The following SLIT3 variants were observed in gnomAD, a reference collection of about 807,000 sequenced individuals.
SLIT3 encodes slit homolog 3 protein.
A neutral mutation model predicts 184.0 loss-of-function variants in SLIT3; 68 were observed. The ratio of observed to expected loss-of-function variants is 0.37; its 90% confidence interval spans 0.30 to 0.45. The LOEUF (loss-of-function observed/expected upper bound fraction) is 0.45, where lower values mean the gene tolerates loss of function less well. SLIT3 is among the 20% of genes least tolerant of loss of function. The pLI is 1.00. For missense variants in SLIT3, 1,707 were observed against 2,026.0 expected (o/e 0.84, Z 3.02); for synonymous variants, 831 against 828.6 (o/e 1.00, Z -0.05).
chr5:169,072,277 A>G (rs1758580117), intron 4 of SLIT3, among the ~76,000 whole-genome samples: 1 of 152,222 alleles, frequency 6.6e-6, no homozygotes, highest in Non-Finnish European at 1.5e-5. Context: ...ACTGGGAGAC[A>G]GGAGACTTGA....
At chr5:168,740,828 C>T (rs1011096489) in intron 20 of SLIT3, among the ~76,000 whole-genome samples, 3 of 152,146 alleles carry the variant, frequency 2.0e-5, no homozygotes, top group Non-Finnish European at 2.9e-5. Context: ...TTTCAGTTTT[C>T]GTTCCATGAG....
intron 9 of SLIT3, among the ~76,000 whole-genome samples, chr5:168,798,223 C>CTTTTTTTTTTTT (rs747746239): frequency 9.2e-6 from 1 of 109,028 alleles, no homozygotes; most frequent in African/African-American, 4.5e-5. Flanking sequence ...TCTTCTTCTT[C>CTTTTTTTTTTTT]TTTTTTTTTT....
rs773166177 is a variant in SLIT3 at position 168,752,943 on chromosome 5, A to G, written c.1973+12T>C. On this transcript the variant is annotated intron_variant, in intron 18 of 35. Coordinates refer to ENST00000519560, the MANE Select transcript of SLIT3 (RefSeq NM_003062.4). ...CCCAGAGTCCGTGGGCAGTGGACCC[A>G]GGAGAACTTACATGGTGGACAGGGA... 1.9e-6 allele frequency: 3 copies of G among 1,613,574 alleles called. No individual in the cohort carries two copies. In the South Asian group the frequency reaches 3.3e-5, roughly 18 times the overall value.
intron 4 of SLIT3, among the ~76,000 whole-genome samples, chr5:169,074,608 A>G (rs909706765): frequency 1.3e-5 from 2 of 152,200 alleles, no homozygotes; most frequent in Non-Finnish European, 1.5e-5. Context: ...TGAAGGTCTC[A>G]AGTTTCACCT....
Position 168,661,810 on chromosome 5 carries a change from A to AT in SLIT3, c.*4643_*4644insA, listed in dbSNP as rs1460429022. 1 of 152,208 alleles carries AT rather than the reference A, an allele frequency of 6.6e-6. No homozygotes were observed. The highest frequency in any genetic ancestry group is 1.5e-5 in the Non-Finnish European group (1 of 68,048). 9.4% of individuals were successfully genotyped at this position (152,208 alleles called of 1,614,324 possible). Reference sequence around the variant, plus strand: ...CATCCATTTATTTTAATGACATCTGAATATGACAGTATATTGAAAAAAGAA... The same window carrying AT: ...CATCCATTTATTTTAATGACATCTGATATATGACAGTATATTGAAAAAAGAA... On this transcript the variant is annotated 3_prime_UTR_variant, in exon 36 of 36. Transcript: ENST00000519560.
At chr5:169,133,079 G>T (rs1327880875) in intron 4 of SLIT3, among the ~76,000 whole-genome samples, 1 of 152,214 alleles carries the variant, frequency 6.6e-6, no homozygotes, top group Non-Finnish European at 1.5e-5. Flanking sequence ...CATTAGCTGT[G>T]ATGATGGCTA....
chr5:169,061,150 C>T (rs1257314097), intron 4 of SLIT3, among the ~76,000 whole-genome samples: 6 of 152,238 alleles, frequency 3.9e-5, no homozygotes, highest in African/African-American at 9.7e-5. Flanking sequence ...AGAAGCAATA[C>T]TTACATTTTC....
chr5:168,950,993 G>T (rs1431199847), intron 4 of SLIT3, among the ~76,000 whole-genome samples: 1 of 152,200 alleles, frequency 6.6e-6, no homozygotes, highest in Non-Finnish European at 1.5e-5. Context: ...GGCCAAGGCT[G>T]GTGGATTACT....
rs1760960605 is a variant in SLIT3 at position 168,664,182 on chromosome 5, G to A, written c.*2272C>T. 3 of 152,180 alleles carry A rather than the reference G, an allele frequency of 2.0e-5. No homozygotes were observed. The highest frequency in any genetic ancestry group is 7.2e-5 in the African/African-American group (3 of 41,444). 9.4% of individuals were successfully genotyped at this position (152,180 alleles called of 1,614,324 possible). ...TTTCACAATTAGAGTGGTATCTGAT[G>A]TATAATAAAGTACTAAATAAATCTG... On this transcript the variant is annotated 3_prime_UTR_variant, in exon 36 of 36. Coordinates refer to ENST00000519560, the MANE Select transcript of SLIT3 (RefSeq NM_003062.4).
chr5:168,722,977 C>T lies in SLIT3; in HGVS notation c.2367G>A (p.Met789Ile). Residue 789 changes from methionine (M) to isoleucine (I), a missense_variant, in exon 22 of 36, where the codon ATG (methionine) becomes ATA (isoleucine). By Grantham distance (10) the Met-to-Ile change is conservative. Transcript: ENST00000519560. Reference sequence around the variant, plus strand: ...TGTTACTGAAGGTGTAATTGGTCAGCATGCTGATGCTGTTGTTGCTCAGGT... The same window carrying T: ...TGTTACTGAAGGTGTAATTGGTCAGTATGCTGATGCTGTTGTTGCTCAGGT... ...LIDLSNNSIS[M>I]LTNYTFSNMS... 6.2e-7 allele frequency: 1 copy of T among 1,614,004 alleles called. No homozygotes were observed. The highest frequency in any genetic ancestry group is 8.5e-7 in the Non-Finnish European group (1 of 1,179,890).
chr5:168,717,787 A>T (rs1433373844), intron 23 of SLIT3, among the ~76,000 whole-genome samples: 7 of 151,214 alleles, frequency 4.6e-5, no homozygotes, highest in African/African-American at 1.7e-4. Flanking sequence ...CAGCCTCCCA[A>T]GTAGCTGGGA....
At position 169,187,414 on chromosome 5, in the gene SLIT3, G is replaced by C. The variant is rs112814055; in HGVS notation, c.413+6065C>G. 7.9e-3 allele frequency among the ~76,000 whole-genome samples: 1,195 copies of C among 152,052 alleles called. 21 individuals are homozygous for C. Among genetic ancestry groups the C allele is most frequent in the African/African-American group, 0.028 (1,141 of 41,480 alleles). The stretch of plus-strand genomic sequence containing the variant: ...GTGTGAGCCACCGCGGCCGGCAGCA[G>C]CTATAAGTTTTAAACCATTACCAAA... On this transcript the variant is annotated intron_variant, in intron 4 of 35. Transcript: ENST00000519560.
At chr5:168,738,146 G>A (rs1763496647) in intron 20 of SLIT3, among the ~76,000 whole-genome samples, 1 of 152,028 alleles carries the variant, frequency 6.6e-6, no homozygotes, top group African/African-American at 2.4e-5. Flanking sequence ...CTTTTTCAGG[G>A]GTCTATGAGG....
rs1404867689 is a variant in SLIT3, at chr5:168,824,354, T to C, written c.558-1023A>G. Among the ~76,000 whole-genome samples, 3 of 152,214 alleles carry C rather than the reference T, an allele frequency of 2.0e-5. No individual in the cohort carries two copies. The East Asian group carries it at 5.8e-4, about 29-fold the overall frequency. Reference sequence around the variant, plus strand: ...GCCTGTTAGCTCTGACAGGTACTTTTGTGCAGGGAAAAGCAAAGAGAAAGG... The same window carrying C: ...GCCTGTTAGCTCTGACAGGTACTTTCGTGCAGGGAAAAGCAAAGAGAAAGG... On this transcript the variant is annotated intron_variant, in intron 6 of 35. Coordinates refer to ENST00000519560, the MANE Select transcript of SLIT3 (RefSeq NM_003062.4).
chr5:169,268,038 G>A (rs1362824186), intron 1 of SLIT3, among the ~76,000 whole-genome samples: 1 of 152,226 alleles, frequency 6.6e-6, no homozygotes, highest in Non-Finnish European at 1.5e-5. Context: ...CATTGGAACA[G>A]GCTACATACT....
At chr5:169,224,718 ACT>A (rs774790832) in intron 3 of SLIT3, among the ~76,000 whole-genome samples, 24 of 145,788 alleles carry the variant, frequency 1.6e-4, no homozygotes, top group Non-Finnish European at 2.9e-4. Context: ...AGACAGACTC[ACT>A]CTGTTGCCCA....
At chr5:169,090,293 T>C (rs1222328406) in intron 4 of SLIT3, among the ~76,000 whole-genome samples, 1 of 152,104 alleles carries the variant, frequency 6.6e-6, no homozygotes, top group Non-Finnish European at 1.5e-5. Flanking sequence ...ATAATAATGA[T>C]ACTCTGCTTC....
intron 7 of SLIT3, among the ~76,000 whole-genome samples, chr5:168,819,632 G>C (rs920950516): frequency 2.0e-5 from 3 of 152,224 alleles, no homozygotes; most frequent in Non-Finnish European, 4.4e-5. Flanking sequence ...TTCCGATCAA[G>C]GGTAAGAGAT....
chr5:169,277,313 C>A (rs759719405), intron 1 of SLIT3, among the ~76,000 whole-genome samples: 93 of 152,324 alleles, frequency 6.1e-4, no homozygotes, highest in Non-Finnish European at 1.0e-3. Flanking sequence ...TCACCATAGC[C>A]TCTACCTCCT....
Sources: allele counts gnomAD v4.1 joint callset (sites outside exome capture counted in the v4.1 genomes callset), GRCh38; gene constraint gnomAD v4.1.1; transcripts MANE v1.5; gene names NCBI Gene and HGNC (gene_info 2026-07-23, HGNC 2026-07-21).